The following GUCY2F variants were observed in gnomAD, a reference collection of about 807,000 sequenced individuals.
The protein encoded by GUCY2F is guanylate cyclase 2F, retinal.
In GUCY2F, 61 loss-of-function variants were observed where a neutral mutation model predicts 73.1. The ratio of observed to expected loss-of-function variants is 0.83; its 90% CI spans 0.68 to 1.03. The LOEUF (loss-of-function observed/expected upper bound fraction) is 1.03, where lower values mean the gene tolerates loss of function less well. Ranked by LOEUF, GUCY2F falls within the 50% of genes least tolerant of loss-of-function variation. The pLI is 0.00. For synonymous variants in GUCY2F, 331 were observed against 307.8 expected (o/e 1.08, Z -0.79); for missense variants, 912 against 854.3 (o/e 1.07, Z -0.84).
chrX:109,404,367 C>A lies in GUCY2F; in HGVS notation c.2086G>T (p.Glu696Ter). 7 of 1,199,128 alleles carry A rather than the reference C, an allele frequency of 5.8e-6. No individual in the cohort carries two copies. Among genetic ancestry groups the A allele is most frequent in the Non-Finnish European group, 7.9e-6 (7 of 884,241 alleles). The change falls in exon 10 of 20, where the codon GAA (glutamate) becomes TAA (stop). Residue 696 changes from glutamate to a stop codon, truncating the protein, a stop_gained. Transcript: ENST00000218006. LOFTEE classifies it high-confidence loss of function. ...VTDYGFNDIL[E>*]MLRLSEEESS... ...TCCTCTTCAGAGAGTCTCAGCATTT[C>A]TAAGATGTCGTTAAAGCCATAATCT...
chrX:109,378,718 AC>A (rs759047483), intron 17 of GUCY2F, among the ~76,000 whole-genome samples: 2 of 111,742 alleles, frequency 1.8e-5, no homozygotes, highest in African/African-American at 3.3e-5. Context: ...ATACTTAGGA[AC>A]CTGAGAACCA....
chrX:109,462,358 A>G (rs1932380409), intron 3 of GUCY2F, among the ~76,000 whole-genome samples: 1 of 112,740 alleles, frequency 8.9e-6, no homozygotes, highest in African/African-American at 3.2e-5. Context: ...AAGATAATTT[A>G]AGGAAAATTG....
chrX:109,451,685 G>A (rs1261275152), intron 5 of GUCY2F, among the ~76,000 whole-genome samples: 2 of 111,629 alleles, frequency 1.8e-5, no homozygotes, highest in South Asian at 3.8e-4. Context: ...TTTGGGCAAG[G>A]AGATGGTTAT....
At chrX:109,434,477 T>G (rs113673374) in intron 7 of GUCY2F, among the ~76,000 whole-genome samples, 1 of 109,230 alleles carries the variant, frequency 9.2e-6, no homozygotes, top group Non-Finnish European at 1.9e-5. Context: ...AACCTGTCTT[T>G]TGCTATATCT....
intron 15 of GUCY2F, among the ~76,000 whole-genome samples, chrX:109,385,651 C>T (rs993070522): frequency 3.6e-5 from 4 of 111,632 alleles, no homozygotes; most frequent in African/African-American, 1.3e-4. Flanking sequence ...TTTTCTTGTG[C>T]CTTAGGGTTG....
At position 109,419,358 on chromosome X, in the gene GUCY2F, T is replaced by G. The variant is rs189569221; in HGVS notation, c.1792-10190A>C. 4.1e-4 allele frequency among the ~76,000 whole-genome samples: 45 copies of G among 110,957 alleles called. 1 individual carries two copies. The highest frequency in any genetic ancestry group is 1.4e-3 in the African/African-American group (43 of 30,815). Reference sequence around the variant, plus strand: ...AAAATGATAATATATCGTGACCAAGTGGAATTCATCCCGGGGATATTAGGA... The same window carrying G: ...AAAATGATAATATATCGTGACCAAGGGGAATTCATCCCGGGGATATTAGGA... On this transcript the variant is annotated intron_variant, in intron 8 of 19. Coordinates refer to ENST00000218006, the MANE Select transcript of GUCY2F (RefSeq NM_001522.3).
intron 3 of GUCY2F, among the ~76,000 whole-genome samples, chrX:109,458,583 A>T (rs1932304470): frequency 9.0e-6 from 1 of 111,220 alleles, no homozygotes. Context: ...GTGATCAAGA[A>T]GTACTAGAGT....
intron 3 of GUCY2F, among the ~76,000 whole-genome samples, chrX:109,463,433 CTTTTTTTTTTT>C (rs755756631): frequency 1.2e-5 from 1 of 83,998 alleles, no homozygotes; most frequent in Non-Finnish European, 2.2e-5. Flanking sequence ...TTTCCTCACT[CTTTTTTTTTTT>C]TTTTTTTTTT....
chrX:109,419,687 G>C (rs972726202), intron 8 of GUCY2F, among the ~76,000 whole-genome samples: 1 of 109,727 alleles, frequency 9.1e-6, no homozygotes, highest in African/African-American at 3.3e-5. Context: ...TTAAATAAAT[G>C]GTGACATATA....
rs767350536 is a variant in GUCY2F, at chrX:109,475,283, G to C, written c.654C>G (p.Val218=). 66 of 1,206,612 alleles carry C rather than the reference G, an allele frequency of 5.5e-5. 1 individual carries two copies. The East Asian group carries it at 1.9e-3, about 35-fold the overall frequency. The change falls in exon 2 of 20, where the codon GTC becomes GTG. Residue 218 remains valine, a synonymous_variant. Coordinates refer to ENST00000218006, the MANE Select transcript of GUCY2F (RefSeq NM_001522.3). The part of the protein sequence containing the change: ...ALRSHGLPVG[V]VLTTGQDSQS... ...GGCTGTCTTGTCCTGTGGTCAGGAC[G>C]ACCCCTACAGGTAAGCCGTGGCTCC...
At chrX:109,438,870 C>A (rs1047895918) in intron 7 of GUCY2F, among the ~76,000 whole-genome samples, 13 of 112,828 alleles carry the variant, frequency 1.2e-4, no homozygotes, top group African/African-American at 4.2e-4. Context: ...CTGAGTATTG[C>A]CCTAGTGAGG....
chrX:109,460,469 A>T (rs1238031465), intron 3 of GUCY2F, among the ~76,000 whole-genome samples: 2 of 112,055 alleles, frequency 1.8e-5, no homozygotes, highest in East Asian at 5.6e-4. Flanking sequence ...ACAATGTGAC[A>T]TGTCTTCAAA....
intron 11 of GUCY2F, among the ~76,000 whole-genome samples, chrX:109,396,976 C>T (rs1169383828): frequency 8.9e-6 from 1 of 112,090 alleles, no homozygotes; most frequent in East Asian, 2.8e-4. Flanking sequence ...TGATTCATGC[C>T]CTTAAGGATC....
rs1228756528 is a variant in GUCY2F at position 109,392,571 on chromosome X, C to T, written c.2588+321G>A. On this transcript the variant is annotated intron_variant, in intron 13 of 19. Transcript: ENST00000218006. Reference sequence around the variant, plus strand: ...GGAAAAACGACCTTGCTACTTTCCTCTAGGAGCTCAAAGAACTGCTTTCTT... The same window carrying T: ...GGAAAAACGACCTTGCTACTTTCCTTTAGGAGCTCAAAGAACTGCTTTCTT... 2.7e-5 allele frequency among the ~76,000 whole-genome samples: 3 copies of T among 112,592 alleles called. No individual in the cohort carries two copies. The East Asian group carries it at 8.3e-4, about 31-fold the overall frequency.
intron 10 of GUCY2F, among the ~76,000 whole-genome samples, chrX:109,401,111 A>G (rs1281363525): frequency 1.8e-5 from 2 of 112,310 alleles, no homozygotes; most frequent in Admixed American, 9.4e-5. Flanking sequence ...TTTCTGCACT[A>G]TACTTATATA....
chrX:109,465,458 G>T lies in GUCY2F; in HGVS notation c.731-15C>A. On this transcript the variant is annotated splice_polypyrimidine_tract_variant and intron_variant, in intron 2 of 19. Transcript: ENST00000218006. ...CATGATGATTACTGAAACCAACAAA[G>T]CAAGGAGGTTATGGAAGCAAACTGT... 8.6e-7 allele frequency: 1 copy of T among 1,157,623 alleles called. No homozygotes were observed. The highest frequency in any genetic ancestry group is 2.4e-4 in the Middle Eastern group (1 of 4,153).
intron 7 of GUCY2F, among the ~76,000 whole-genome samples, chrX:109,437,382 G>A (rs1317992393): frequency 8.9e-6 from 1 of 112,681 alleles, no homozygotes; most frequent in African/African-American, 3.2e-5. Flanking sequence ...TTAGCTCTCT[G>A]CCTCCTTCCA....
At chrX:109,408,732 C>T (rs1931032281) in intron 9 of GUCY2F, among the ~76,000 whole-genome samples, 1 of 111,731 alleles carries the variant, frequency 9.0e-6, no homozygotes, top group Non-Finnish European at 1.9e-5. Flanking sequence ...CTCATTTTCT[C>T]TTGCCACCAC....
At chrX:109,444,226 G>A (rs925424162) in intron 6 of GUCY2F, among the ~76,000 whole-genome samples, 1 of 112,262 alleles carries the variant, frequency 8.9e-6, no homozygotes, top group Non-Finnish European at 1.9e-5. Context: ...AAAAAGATCT[G>A]ATGATTTAAA....
Sources: gnomAD v4.1 joint callset for allele counts (sites outside exome capture counted in the v4.1 genomes callset) on GRCh38, gnomAD v4.1.1 for gene constraint, MANE v1.5 for transcripts, NCBI Gene and HGNC (gene_info 2026-07-23, HGNC 2026-07-21) for gene names.